The following TBCE variants were observed in gnomAD, a reference collection of about 807,000 sequenced individuals.
The protein encoded by TBCE is tubulin folding cofactor E, also known as tubulin-specific chaperone E.
In TBCE, 53 loss-of-function variants were observed where a neutral mutation model predicts 77.0. The observed-to-expected ratio is 0.69, with a 90% CI of 0.55 to 0.87. TBCE has a LOEUF of 0.87. Among genes scored for constraint, TBCE ranks in the 40% least tolerant of loss-of-function variants. The pLI, the probability that TBCE is intolerant of heterozygous loss-of-function variation, is 0.00. For missense variants in TBCE, 624 were observed against 622.4 expected (o/e 1.00, Z -0.03); for synonymous variants, 235 against 241.3 (o/e 0.97, Z 0.24).
At chr1:235,399,838 G>A (rs1678979943) in intron 2 of TBCE, among the ~76,000 whole-genome samples, 1 of 152,112 alleles carries the variant, frequency 6.6e-6, no homozygotes, top group African/African-American at 2.4e-5. Flanking sequence ...ACTATGTCCA[G>A]TCAGATAGTG....
rs1360470227 is a variant in TBCE, at chr1:235,380,131, G to A, written c.82G>A (p.Val28Ile). Residue 28 changes from valine to isoleucine, a missense_variant, in exon 2 of 17, where the codon GTT becomes ATT. Val to Ile is a conservative substitution (Grantham distance 29, BLOSUM62 3). Transcript: ENST00000642610. ...GEHATVRFAG[V>I]VPPVAGPWLG... ...ACATGCAACAGTACGTTTTGCTGGT[G>A]TTGTCCCTCCCGTGGCAGGTAAGCA... 2 of 1,611,552 alleles carry A rather than the reference G, an allele frequency of 1.2e-6. No homozygotes were observed. Among genetic ancestry groups the A allele is most frequent in the Non-Finnish European group, 1.7e-6 (2 of 1,179,020 alleles).
chr1:235,369,967 A>G (rs893092084), intron 1 of TBCE, among the ~76,000 whole-genome samples: 4 of 152,146 alleles, frequency 2.6e-5, no homozygotes, highest in Non-Finnish European at 5.9e-5. Flanking sequence ...CCTCAAGCGC[A>G]TCCTAGCCTC....
chr1:235,379,639 C>G (rs962092195), intron 1 of TBCE, among the ~76,000 whole-genome samples: 12 of 151,980 alleles, frequency 7.9e-5, no homozygotes, highest in Admixed American at 6.6e-5. Context: ...ATACTGACTT[C>G]TCTCCCAAAC....
intron 5 of TBCE, among the ~76,000 whole-genome samples, chr1:235,423,087 G>T (rs566295193): frequency 6.6e-6 from 1 of 152,312 alleles, no homozygotes; most frequent in South Asian, 2.1e-4. Flanking sequence ...ATTGCTTTGG[G>T]TGCTTAATCC....
Position 235,450,322 on chromosome 1 carries a change from C to CA in TBCE, c.*1561dup. 6.2e-7 allele frequency: 1 copy of CA among 1,614,050 alleles called. No individual in the cohort carries two copies. ...AGCATTCCTGTCTCACAGGTCTTCT[C>CA]ACACAGCCACAGACTGTCCTGTTGA... On this transcript the variant is annotated 3_prime_UTR_variant, in exon 17 of 17. Coordinates refer to ENST00000642610, the MANE Select transcript of TBCE (RefSeq NM_003193.5).
chr1:235,387,626 G>A (rs563125650), intron 2 of TBCE, among the ~76,000 whole-genome samples: 10 of 152,272 alleles, frequency 6.6e-5, no homozygotes, highest in African/African-American at 2.4e-4. Context: ...TAATCTCCTG[G>A]TGTGCCGTTT....
At chr1:235,379,965 T>A (rs897999459) in intron 1 of TBCE, 54 bp from the exon 2 acceptor site, 22 of 960,572 alleles carry the variant, frequency 2.3e-5, no homozygotes, top group African/African-American at 5.8e-5. Context: ...AAAAAAAAAA[T>A]TCCTTTAAAG....
intron 5 of TBCE, among the ~76,000 whole-genome samples, chr1:235,424,385 C>T (rs938359244): frequency 4.3e-5 from 5 of 116,858 alleles, no homozygotes; most frequent in Middle Eastern, 4.0e-3. Flanking sequence ...AGTGCAGTGG[C>T]GCGATCTTGG....
At chr1:235,404,836 AT>A (rs1679322659) in intron 3 of TBCE, among the ~76,000 whole-genome samples, 2 of 150,682 alleles carry the variant, frequency 1.3e-5, no homozygotes, top group East Asian at 3.9e-4. Flanking sequence ...TAATTTTTGT[AT>A]TTTTAGTAGA....
At chr1:235,440,890 T>C (rs1309917379) in intron 13 of TBCE, 1 of 152,256 alleles carries the variant, frequency 6.6e-6, no homozygotes, top group African/African-American at 2.4e-5. Flanking sequence ...TTGTCCCTGA[T>C]GTACTTTCCA....
At chr1:235,424,984 G>A (rs1336751671) in intron 5 of TBCE, among the ~76,000 whole-genome samples, 2 of 152,062 alleles carry the variant, frequency 1.3e-5, no homozygotes, top group African/African-American at 2.4e-5. Context: ...CTCCTCAGTC[G>A]CTTCTGTGGG....
chr1:235,376,215 C>T (rs1677288176), intron 1 of TBCE, among the ~76,000 whole-genome samples: 1 of 152,142 alleles, frequency 6.6e-6, no homozygotes, highest in South Asian at 2.1e-4. Context: ...TGAAGGAATT[C>T]ATGAGTTACC....
rs182300102 is a variant in TBCE at position 235,409,440 on chromosome 1, C to T, written c.186-4993C>T. ...AGTCTATGTAAATTATTACAGTTTA[C>T]CTCTTGGAGATTTGTTGTTATTGAT... On this transcript the variant is annotated intron_variant, in intron 3 of 16. Coordinates refer to ENST00000642610, the MANE Select transcript of TBCE (RefSeq NM_003193.5). Among the ~76,000 whole-genome samples the T allele has an allele frequency of 4.0e-3, 601 of 152,128 alleles. 4 individuals are homozygous for T. The highest frequency in any genetic ancestry group is 0.014 in the African/African-American group (574 of 41,484).
At chr1:235,373,810 G>A (rs779769311) in intron 1 of TBCE, among the ~76,000 whole-genome samples, 1 of 144,728 alleles carries the variant, frequency 6.9e-6, no homozygotes, top group African/African-American at 2.7e-5. Flanking sequence ...CACCACGCCT[G>A]GCTAATTTTT....
intron 1 of TBCE, 111 bp downstream of exon 1, chr1:235,367,615 G>A (rs559451747): frequency 6.5e-6 from 1 of 152,884 alleles, no homozygotes; most frequent in South Asian, 2.1e-4. Flanking sequence ...CAGATTGCCA[G>A]AGCCGGGCGT....
Position 235,451,755 on chromosome 1 carries a change from C to T in TBCE, c.*2993C>T, listed in dbSNP as rs1258261744. On this transcript the variant is annotated 3_prime_UTR_variant, in exon 17 of 17. Coordinates refer to ENST00000642610, the MANE Select transcript of TBCE (RefSeq NM_003193.5). Reference sequence around the variant, plus strand: ...AACTGACAGACACTGCATGTGCCTTCTGTCCCCTGCACCTTCGATGGCCAA... The same window carrying T: ...AACTGACAGACACTGCATGTGCCTTTTGTCCCCTGCACCTTCGATGGCCAA... 1 of 152,228 alleles carries T rather than the reference C, an allele frequency of 6.6e-6. No individual in the cohort carries two copies. Among genetic ancestry groups the T allele is most frequent in the Non-Finnish European group, 1.5e-5 (1 of 68,054 alleles). The allele number at this position is 152,228 out of a possible 1,614,324, so 9.4% of individuals were successfully genotyped here.
chr1:235,379,139 C>T (rs1258185957), intron 1 of TBCE, among the ~76,000 whole-genome samples: 1 of 152,106 alleles, frequency 6.6e-6, no homozygotes, highest in Admixed American at 6.6e-5. Context: ...TTGCAGGATT[C>T]TGTCATTGAT....
chr1:235,388,333 G>A (rs1678161578), intron 2 of TBCE, among the ~76,000 whole-genome samples: 1 of 140,262 alleles, frequency 7.1e-6, no homozygotes, highest in Non-Finnish European at 1.5e-5. Flanking sequence ...TTGTTGCCCA[G>A]GCTGGAGTGC....
chr1:235,436,578 C>T lies in TBCE; in HGVS notation c.933C>T (p.Tyr311=), dbSNP rs1279262114. The change falls in exon 11 of 17, where the codon TAC becomes TAT. Residue 311 remains tyrosine, a synonymous_variant. Transcript: ENST00000642610. Reference sequence around the variant, plus strand: ...CGTCCATGTTCCCATCCTTGAAGTACCTGGTAGTAAACGACAATCAGATAT... The same window carrying T: ...CGTCCATGTTCCCATCCTTGAAGTATCTGGTAGTAAACGACAATCAGATAT... ...CKTSMFPSLK[Y]LVVNDNQISQ... 2 of 1,614,026 alleles carry T rather than the reference C, an allele frequency of 1.2e-6. No individual in the cohort carries two copies. The highest frequency in any genetic ancestry group is 2.2e-5 in the South Asian group (2 of 91,084).
Sources: allele counts gnomAD v4.1 joint callset (sites outside exome capture counted in the v4.1 genomes callset), GRCh38; gene constraint gnomAD v4.1.1; transcripts MANE v1.5; gene names NCBI Gene and HGNC (gene_info 2026-07-23, HGNC 2026-07-21).